Variants in NFIA observed in about 807,000 individuals in gnomAD.
NFIA encodes nuclear factor 1 A-type.
Under a neutral mutation model 62.8 loss-of-function variants are expected in NFIA, and 8 were observed. The ratio of observed to expected loss-of-function variants is 0.13; its 90% CI spans 0.07 to 0.23. The LOEUF is 0.23. NFIA is among the 10% of genes least tolerant of loss of function. The pLI is 1.00. For synonymous variants in NFIA, 235 were observed against 238.1 expected (o/e 0.99, Z 0.12); for missense variants, 410 against 642.1 (o/e 0.64, Z 3.91).
intron 2 of NFIA, among the ~76,000 whole-genome samples, chr1:61,177,673 G>A (rs1290170187): frequency 1.3e-5 from 2 of 151,864 alleles, no homozygotes; most frequent in East Asian, 3.9e-4. Flanking sequence ...GTGTGTGTGT[G>A]TGTGTGTGTG....
At chr1:61,078,427 G>A (rs1646058233), upstream of NFIA, among the ~76,000 whole-genome samples, 1 of 152,218 alleles carries the variant, frequency 6.6e-6, no homozygotes, top group African/African-American at 2.4e-5. Flanking sequence ...TGTGGAATGT[G>A]AAGTTCAACT....
chr1:61,441,739 C>T (rs1453816627), intron 10 of NFIA, among the ~76,000 whole-genome samples: 3 of 152,036 alleles, frequency 2.0e-5, no homozygotes, highest in African/African-American at 4.8e-5. Flanking sequence ...TCCAGTTGTT[C>T]TCTCTGATAT....
chr1:61,144,609 ACT>A (rs1368452693), intron 2 of NFIA, among the ~76,000 whole-genome samples: 1 of 152,028 alleles, frequency 6.6e-6, no homozygotes, highest in Non-Finnish European at 1.5e-5. Context: ...AGTTAGGAAA[ACT>A]CTCTAAGCCT....
chr1:61,290,799 T>C (rs1275686528), intron 3 of NFIA, among the ~76,000 whole-genome samples: 1 of 152,140 alleles, frequency 6.6e-6, no homozygotes, highest in African/African-American at 2.4e-5. Flanking sequence ...TGGTGGTCCT[T>C]GAAGGGAGCC....
At chr1:61,151,763 T>C (rs1648430927) in intron 2 of NFIA, among the ~76,000 whole-genome samples, 2 of 152,088 alleles carry the variant, frequency 1.3e-5, no homozygotes. Flanking sequence ...CCCTTTCATT[T>C]CTCCCCTAGG....
At chr1:61,226,047 A>G (rs1404133295) in intron 2 of NFIA, among the ~76,000 whole-genome samples, 1 of 152,240 alleles carries the variant, frequency 6.6e-6, no homozygotes, top group Non-Finnish European at 1.5e-5. Context: ...TATCCAGTAA[A>G]CTAAAATGAA....
At chr1:61,452,352 G>A (rs1668095423) in intron 10 of NFIA, among the ~76,000 whole-genome samples, 1 of 152,024 alleles carries the variant, frequency 6.6e-6, no homozygotes, top group South Asian at 2.1e-4. Flanking sequence ...TCCCTGTGTG[G>A]TTCCCCTAAC....
chr1:61,446,887 T>C (rs1667834553), intron 10 of NFIA, among the ~76,000 whole-genome samples: 1 of 152,196 alleles, frequency 6.6e-6, no homozygotes, highest in Admixed American at 6.5e-5. Context: ...ATTATTACAA[T>C]GTGGCCACGC....
At chr1:61,383,405 A>G in intron 7 of NFIA, 40 bp downstream of exon 7, 1 of 1,609,772 alleles carries the variant, frequency 6.2e-7, no homozygotes, top group Non-Finnish European at 8.5e-7. Context: ...TGCTTATATC[A>G]TGGCCTTTGG....
intron 2 of NFIA, among the ~76,000 whole-genome samples, chr1:61,203,092 T>TCAAG (rs1422330677): frequency 6.6e-6 from 1 of 152,242 alleles, no homozygotes; most frequent in Non-Finnish European, 1.5e-5. Context: ...TTTTTGCTGA[T>TCAAG]CAAGCAAGGT....
chr1:61,272,094 A>G (rs555517079), intron 2 of NFIA, among the ~76,000 whole-genome samples: 2 of 152,328 alleles, frequency 1.3e-5, no homozygotes, highest in Non-Finnish European at 1.5e-5. Flanking sequence ...AATGCTAATC[A>G]TAATTGCATA....
chr1:61,413,531 C>T (rs115833252), intron 9 of NFIA, among the ~76,000 whole-genome samples: 2,589 of 148,234 alleles, frequency 0.017, 24 homozygotes, highest in Non-Finnish European at 0.028. Context: ...GAACAAATTA[C>T]AAACAATGTC....
intron 3 of NFIA, among the ~76,000 whole-genome samples, chr1:61,296,636 G>A (rs1157934453): frequency 6.6e-6 from 1 of 152,036 alleles, no homozygotes; most frequent in Non-Finnish European, 1.5e-5. Flanking sequence ...TAAGATTTTA[G>A]AAAAAGTTTT....
intron 9 of NFIA, among the ~76,000 whole-genome samples, chr1:61,424,352 A>G (rs895158425): frequency 6.7e-6 from 1 of 149,362 alleles, no homozygotes; most frequent in Non-Finnish European, 1.5e-5. Context: ...CCCCCCCCTC[A>G]ACCCCCAGAA....
At chr1:61,368,252 C>T (rs1265721638) in intron 6 of NFIA, among the ~76,000 whole-genome samples, 3 of 152,254 alleles carry the variant, frequency 2.0e-5, no homozygotes, top group South Asian at 4.2e-4. Context: ...GTGAAATCCT[C>T]CTCCCTGTGC....
chr1:61,405,850 A>G (rs1227688170), intron 8 of NFIA, among the ~76,000 whole-genome samples: 1 of 152,216 alleles, frequency 6.6e-6, no homozygotes, highest in Non-Finnish European at 1.5e-5. Flanking sequence ...TTTTAACATC[A>G]GGCAGCAAAA....
At chr1:61,139,544 G>A (rs145313798) in intron 2 of NFIA, among the ~76,000 whole-genome samples, 1 of 152,292 alleles carries the variant, frequency 6.6e-6, no homozygotes, top group East Asian at 1.9e-4. Flanking sequence ...CCGAAAGCTA[G>A]TCTGGGGAGT....
At chr1:61,169,531 G>T (rs747108125) in intron 2 of NFIA, among the ~76,000 whole-genome samples, 4 of 152,158 alleles carry the variant, frequency 2.6e-5, no homozygotes, top group African/African-American at 2.4e-5. Context: ...ACAATTTCCA[G>T]TGCAATTACC....
At position 61,423,938 on chromosome 1, in the gene NFIA, T is replaced by C. The variant is rs529801399; in HGVS notation, c.1421-2527T>C. On this transcript the variant is annotated intron_variant, in intron 9 of 10. Coordinates refer to ENST00000403491, the MANE Select transcript of NFIA (RefSeq NM_001134673.4). The stretch of plus-strand genomic sequence containing the variant: ...CCTGGGCACCATTTGTCCCATTCTT[T>C]CACTTGAGTACTCAAAGACTAGTAG... 5.1e-4 allele frequency among the ~76,000 whole-genome samples: 77 copies of C among 152,198 alleles called. 1 individual carries two copies. The highest frequency in any genetic ancestry group is 1.7e-3 in the African/African-American group (72 of 41,552).
Sources: gnomAD v4.1 joint callset for allele counts (sites outside exome capture counted in the v4.1 genomes callset) on GRCh38, gnomAD v4.1.1 for gene constraint, MANE v1.5 for transcripts, NCBI Gene and HGNC (gene_info 2026-07-23, HGNC 2026-07-21) for gene names.